Variants in NVL observed in about 807,000 individuals in gnomAD.
NVL encodes nuclear VCP like.
In NVL, 84 loss-of-function variants were observed where a neutral mutation model predicts 110.2. The ratio of observed to expected loss-of-function variants is 0.76; its 90% CI spans 0.64 to 0.91. NVL has a LOEUF of 0.91. Among genes scored for constraint, NVL ranks in the 40% least tolerant of loss-of-function variants. NVL has a pLI of 0.00. For missense variants in NVL, 882 were observed against 1,035.9 expected, an observed-to-expected ratio of 0.85 and a Z score of 2.04; for synonymous variants, 354 against 361.1, an observed-to-expected ratio of 0.98 and a Z score of 0.22.
intron 17 of NVL, among the ~76,000 whole-genome samples, chr1:224,271,389 T>C (rs1475944568): frequency 6.6e-6 from 1 of 152,032 alleles, no homozygotes; most frequent in Non-Finnish European, 1.5e-5. Flanking sequence ...CTCAGGCAGC[T>C]GAGGTGGGAT....
intron 15 of NVL, among the ~76,000 whole-genome samples, chr1:224,282,833 G>A (rs1666501479): frequency 6.6e-6 from 1 of 152,148 alleles, no homozygotes; most frequent in African/African-American, 2.4e-5. Flanking sequence ...CTTAGTATGT[G>A]CAGGTGCCAA....
intron 19 of NVL, 60 bp from the exon 20 acceptor site, chr1:224,236,642 G>A (rs369400573): frequency 4.0e-4 from 547 of 1,381,834 alleles, no homozygotes; most frequent in Non-Finnish European, 5.3e-4. Flanking sequence ...CGGGTGCGAT[G>A]GCTCATGCTT....
At chr1:224,276,972 TTATGA>T (rs1315008795) in intron 16 of NVL, among the ~76,000 whole-genome samples, 1 of 106,260 alleles carries the variant, frequency 9.4e-6, no homozygotes, top group African/African-American at 4.2e-5. Flanking sequence ...AAAACTAGTT[TTATGA>T]CACATAAAAC....
At chr1:224,309,201 T>A (rs1012006337) in intron 5 of NVL, among the ~76,000 whole-genome samples, 1 of 151,988 alleles carries the variant, frequency 6.6e-6, no homozygotes, top group African/African-American at 2.4e-5. Context: ...TGGTTGCCAA[T>A]GAGAGTCACT....
chr1:224,229,312 T>A (rs967933913), intron 22 of NVL, among the ~76,000 whole-genome samples: 72 of 151,574 alleles, frequency 4.8e-4, no homozygotes, highest in South Asian at 1.0e-3. Context: ...AATAAATAAA[T>A]AAATAAATAA....
At chr1:224,292,038 G>A (rs1177597873) in intron 12 of NVL, among the ~76,000 whole-genome samples, 1 of 152,192 alleles carries the variant, frequency 6.6e-6, no homozygotes, top group Non-Finnish European at 1.5e-5. Context: ...ACAATAAAAT[G>A]AGTATTGCTG....
At chr1:224,329,711 T>C (rs1558377582) in intron 1 of NVL, among the ~76,000 whole-genome samples, 1 of 152,212 alleles carries the variant, frequency 6.6e-6, no homozygotes, top group Non-Finnish European at 1.5e-5. Context: ...CTCAAGGACC[T>C]CTTACAATGC....
At chr1:224,289,769 T>C in intron 12 of NVL, 36 bp from the exon 13 acceptor site, 1 of 1,582,072 alleles carries the variant, frequency 6.3e-7, no homozygotes, top group Non-Finnish European at 8.6e-7. Context: ...TTCTGATTCC[T>C]GATCTAATAG....
chr1:224,326,594 C>A, intron 1 of NVL, 130 bp from the exon 2 acceptor site: 1 of 570,738 alleles, frequency 1.8e-6, no homozygotes. Context: ...GTACCAGAAA[C>A]ATAAATAAAA....
chr1:224,329,298 A>G (rs561033700), intron 1 of NVL, among the ~76,000 whole-genome samples: 2 of 152,308 alleles, frequency 1.3e-5, no homozygotes, highest in Admixed American at 1.3e-4. Context: ...ATTACACTAA[A>G]TGAGATCACA....
rs1558308683 is a variant in NVL at position 224,287,961 on chromosome 1, T to G, written c.1608A>C (p.Arg536Ser). The G allele has an allele frequency of 6.2e-7, 1 of 1,613,502 alleles. No individual in the cohort carries two copies. The highest frequency in any genetic ancestry group is 2.2e-5 in the East Asian group (1 of 44,886). Reference protein sequence around the residue: ...DELQRLLGLLRDQDPLSEEQM... With the variant: ...DELQRLLGLLSDQDPLSEEQM... ...GCTCCTCTGAGAGGGGATCTTGGTC[T>G]CTTAGCAACCCCAGCAGCCTTTGTA... is the stretch of plus-strand genomic sequence containing the variant. Residue 536 changes from arginine (R) to serine (S), a missense_variant, in exon 14 of 23, where the codon AGA (arginine) becomes AGC (serine). Physicochemically the swap from Arg to Ser is moderately radical, Grantham distance 110. Coordinates refer to ENST00000281701, the MANE Select transcript of NVL (RefSeq NM_002533.4).
intron 19 of NVL, among the ~76,000 whole-genome samples, chr1:224,240,108 C>G (rs899071923): frequency 8.9e-5 from 11 of 123,478 alleles, no homozygotes; most frequent in African/African-American, 3.4e-4. Context: ...CTGTCACAGG[C>G]CCAGGCTGGA....
intron 22 of NVL, among the ~76,000 whole-genome samples, chr1:224,230,929 C>G (rs1437183432): frequency 6.6e-6 from 1 of 151,826 alleles, no homozygotes; most frequent in Non-Finnish European, 1.5e-5. Context: ...GTCAGGAGAT[C>G]GAGACCATCC....
At chr1:224,303,651 C>T in intron 9 of NVL, 72 bp downstream of exon 9, 4 of 1,524,744 alleles carry the variant, frequency 2.6e-6, no homozygotes, top group Non-Finnish European at 3.6e-6. Flanking sequence ...TTTAAGTTGA[C>T]CAAAGAGAAA....
At chr1:224,278,943 G>C (rs1666047022) in intron 16 of NVL, among the ~76,000 whole-genome samples, 1 of 151,944 alleles carries the variant, frequency 6.6e-6, no homozygotes, top group Non-Finnish European at 1.5e-5. Context: ...GCCCATGCTG[G>C]TCTCAAACTG....
At chr1:224,262,663 A>C (rs1481919576) in intron 18 of NVL, among the ~76,000 whole-genome samples, 2 of 152,214 alleles carry the variant, frequency 1.3e-5, no homozygotes, top group Non-Finnish European at 2.9e-5. Context: ...CTCCAGAAAC[A>C]AACAAACAAA....
intron 18 of NVL, among the ~76,000 whole-genome samples, 155 bp from the exon 19 acceptor site, chr1:224,250,473 T>TC (rs1662345264): frequency 6.6e-6 from 1 of 152,150 alleles, no homozygotes; most frequent in Non-Finnish European, 1.5e-5. Context: ...CAGATGATTC[T>TC]CCCACCTCAG....
intron 18 of NVL, among the ~76,000 whole-genome samples, chr1:224,262,835 C>A (rs1664123920): frequency 6.6e-6 from 1 of 152,090 alleles, no homozygotes; most frequent in South Asian, 2.1e-4. Context: ...CTTGGGTCAG[C>A]AGAGAGAAAT....
chr1:224,264,854 C>A (rs1664336690), intron 18 of NVL, among the ~76,000 whole-genome samples: 1 of 152,158 alleles, frequency 6.6e-6, no homozygotes. Flanking sequence ...GATTCTCCTG[C>A]CTCAGCCTCA....
Sources: gnomAD v4.1 joint callset for allele counts (sites outside exome capture counted in the v4.1 genomes callset) on GRCh38, gnomAD v4.1.1 for gene constraint, MANE v1.5 for transcripts, NCBI Gene and HGNC (gene_info 2026-07-23, HGNC 2026-07-21) for gene names.